SIRPG: variants seen among roughly 807,000 people sequenced by gnomAD.
SIRPG encodes signal regulatory protein gamma.
SIRPG carries 38 observed loss-of-function variants against 35.7 expected under a neutral mutation model. That is an observed-to-expected ratio of 1.06 (90% CI 0.82 to 1.40). SIRPG has a LOEUF of 1.40. Among genes scored for constraint, SIRPG ranks in the 40% most tolerant of loss-of-function variants. The probability of loss-of-function intolerance (pLI) is 0.00; values close to 1 mark genes in which losing one functional copy is unlikely to be tolerated. For missense variants in SIRPG, 519 were observed against 483.0 expected (o/e 1.07, Z -0.70); for synonymous variants, 215 against 190.4 (o/e 1.13, Z -1.06).
At chr20:1,659,025 T>C (rs1164407083), upstream of SIRPG, among the ~76,000 whole-genome samples, 2 of 152,204 alleles carry the variant, frequency 1.3e-5, no homozygotes, top group Admixed American at 1.3e-4. Context: ...TGTATGTAAA[T>C]AAATGTTAGA....
intron 1 of SIRPG, among the ~76,000 whole-genome samples, chr20:1,655,746 A>G (rs1053604932): frequency 3.3e-5 from 5 of 152,318 alleles, no homozygotes; most frequent in Middle Eastern, 3.4e-3. Context: ...GTCATTCCAC[A>G]ATGTATGCAT....
At position 1,641,804 on chromosome 20, in the gene SIRPG, T is replaced by C. The variant is rs144592225; in HGVS notation, c.431-5299A>G. Among the ~76,000 whole-genome samples, 90 of 152,356 alleles carry C rather than the reference T, an allele frequency of 5.9e-4. 3 individuals carry two copies. In the East Asian group the frequency reaches 0.015, roughly 25 times the overall value. On this transcript the variant is annotated intron_variant, in intron 2 of 5. Coordinates refer to ENST00000303415, the MANE Select transcript of SIRPG (RefSeq NM_018556.4). ...CTGGTATGTTGTCTCTTTGTTCTTA[T>C]TGGTTTCAAATAACTTCTTAATTTC...
At chr20:1,679,378 G>C in the SIRPG span, among the ~76,000 whole-genome samples, 1 of 152,180 alleles carries the variant, frequency 6.6e-6, no homozygotes, top group Non-Finnish European at 1.5e-5. Flanking sequence ...TGATAAAGCT[G>C]GTCCCTGCCA....
the SIRPG span, among the ~76,000 whole-genome samples, chr20:1,674,553 C>T: frequency 1.3e-5 from 2 of 152,180 alleles, no homozygotes; most frequent in African/African-American, 4.8e-5. Flanking sequence ...GGAAGTGGCC[C>T]AGGCAGTTGG....
intron 4 of SIRPG, among the ~76,000 whole-genome samples, chr20:1,634,860 G>A (rs897814564): frequency 1.5e-4 from 23 of 151,700 alleles, no homozygotes; most frequent in Non-Finnish European, 2.9e-4. Flanking sequence ...TGGCTAACAC[G>A]GTGAAACCCC....
chr20:1,636,016 C>T (rs2091796667), intron 3 of SIRPG, among the ~76,000 whole-genome samples, 172 bp downstream of exon 3: 1 of 152,162 alleles, frequency 6.6e-6, no homozygotes, highest in Non-Finnish European at 1.5e-5. Flanking sequence ...GTCCCCTGAC[C>T]GCTGCCAATA....
At chr20:1,635,189 C>T (rs62186948) in intron 4 of SIRPG, 78 bp downstream of exon 4, 44 of 1,192,932 alleles carry the variant, frequency 3.7e-5, no homozygotes, top group Non-Finnish European at 5.1e-5. Context: ...AGACTTCTAG[C>T]TTATTTTACA....
intron 1 of SIRPG, among the ~76,000 whole-genome samples, chr20:1,652,482 A>G (rs915162453): frequency 1.3e-5 from 2 of 152,250 alleles, no homozygotes; most frequent in African/African-American, 4.8e-5. Context: ...AACAGCATGT[A>G]AGAAGGATTA....
At chr20:1,651,195 G>T (rs1014369491) in intron 1 of SIRPG, 34 of 152,284 alleles carry the variant, frequency 2.2e-4, no homozygotes, top group African/African-American at 7.7e-4. Flanking sequence ...CCAGTTATAT[G>T]TAAATTTTTT....
chr20:1,635,691 G>T (rs1316676730), intron 3 of SIRPG, 92 bp from the exon 4 acceptor site: 4 of 1,327,720 alleles, frequency 3.0e-6, no homozygotes, highest in Non-Finnish European at 4.2e-6. Flanking sequence ...CACGGTGAGG[G>T]CATCACCAGG....
intron 2 of SIRPG, among the ~76,000 whole-genome samples, chr20:1,637,977 T>C (rs192378883): frequency 1.3e-5 from 2 of 152,322 alleles, no homozygotes; most frequent in African/African-American, 4.8e-5. Flanking sequence ...TTTGTAAATA[T>C]TAACTTGCTC....
rs754024064 is a variant in SIRPG at position 1,649,341 on chromosome 20, C to T, written c.141G>A (p.Lys47=). The change falls in exon 2 of 6, where the codon AAG becomes AAA. Residue 47 remains lysine, a synonymous_variant. Transcript: ENST00000303415. ...TCACAGTGCAGTGCAGAGTGGCTGT[C>T]TTTCCAACTGTGACCAACAGGAGCT... ...PEKLLLVTVG[K]TATLHCTVTS... 1.2e-6 allele frequency: 2 copies of T among 1,614,020 alleles called. No individual in the cohort carries two copies. The highest frequency in any genetic ancestry group is 2.7e-5 in the African/African-American group (2 of 74,920).
intron 5 of SIRPG, 110 bp downstream of exon 5, chr20:1,630,112 G>T: frequency 2.4e-6 from 2 of 816,586 alleles, no homozygotes; most frequent in Non-Finnish European, 4.0e-6. Flanking sequence ...GGGTGCGGAG[G>T]GAGCTTAACT....
the SIRPG span, among the ~76,000 whole-genome samples, chr20:1,684,231 T>C: frequency 2.0e-5 from 3 of 152,184 alleles, no homozygotes; most frequent in Non-Finnish European, 2.9e-5. Flanking sequence ...TAGCTCAAAT[T>C]AATCATGTAC....
intron 2 of SIRPG, among the ~76,000 whole-genome samples, chr20:1,638,124 C>T (rs770465337): frequency 1.5e-4 from 23 of 152,216 alleles, no homozygotes; most frequent in Admixed American, 3.3e-4. Flanking sequence ...TTGAGGGCTT[C>T]TTGGGAGCCT....
chr20:1,653,267 G>A (rs2091953596), intron 1 of SIRPG, among the ~76,000 whole-genome samples: 1 of 152,214 alleles, frequency 6.6e-6, no homozygotes, highest in African/African-American at 2.4e-5. Context: ...ACCAATGAGT[G>A]AGCCTGGAGC....
chr20:1,662,634 T>C (rs1264668294), upstream of SIRPG, among the ~76,000 whole-genome samples: 3 of 152,200 alleles, frequency 2.0e-5, no homozygotes, highest in East Asian at 5.8e-4. Context: ...TAACTGACAA[T>C]ATGACAGTTT....
intron 1 of SIRPG, chr20:1,651,396 C>T (rs1357800395): frequency 6.6e-6 from 1 of 152,284 alleles, no homozygotes; most frequent in Non-Finnish European, 1.5e-5. Flanking sequence ...TGTCCTCCAC[C>T]CTGACTCCCA....
rs1267180840 is a variant in SIRPG at position 1,649,051 on chromosome 20, C to T, written c.430+1G>A. 2.5e-6 allele frequency: 4 copies of T among 1,612,806 alleles called. No individual in the cohort carries two copies. Among genetic ancestry groups the T allele is most frequent in the Admixed American group, 3.3e-5 (2 of 59,980 alleles). ...ATGAGGGAGGTCCATGTTGTACTCA[C>T]CACCCAAAGCCATCTCAGTGCCTGG... On this transcript the variant is annotated splice_donor_variant, in intron 2 of 5. Transcript: ENST00000303415. LOFTEE classifies it high-confidence loss of function.
Sources: gnomAD v4.1 joint callset for allele counts (sites outside exome capture counted in the v4.1 genomes callset) on GRCh38, gnomAD v4.1.1 for gene constraint, MANE v1.5 for transcripts, NCBI Gene and HGNC (gene_info 2026-07-23, HGNC 2026-07-21) for gene names.